The following FRMD4B variants were observed in gnomAD, a reference collection of about 807,000 sequenced individuals.
The protein encoded by FRMD4B is FERM domain containing 4B, also known as FERM domain-containing protein 4B.
A neutral mutation model predicts 141.5 loss-of-function variants in FRMD4B; 74 were observed. That is an observed-to-expected ratio of 0.52 (90% CI 0.43 to 0.63). FRMD4B has a LOEUF of 0.63. Among genes scored for constraint, FRMD4B ranks in the 30% least tolerant of loss-of-function variants. The pLI is 0.00. For synonymous variants in FRMD4B, 506 were observed against 467.9 expected, an observed-to-expected ratio of 1.08 and a Z score of -1.05; for missense variants, 1,366 against 1,253.4, an observed-to-expected ratio of 1.09 and a Z score of -1.36.
chr3:69,508,788 T>C (rs1219989849), intron 1 of FRMD4B, among the ~76,000 whole-genome samples: 1 of 152,192 alleles, frequency 6.6e-6, no homozygotes, highest in Non-Finnish European at 1.5e-5. Context: ...CCTTTCATCA[T>C]AAAGTGCCAT....
chr3:69,237,651 C>T (rs778828960), intron 7 of FRMD4B, among the ~76,000 whole-genome samples: 18 of 152,232 alleles, frequency 1.2e-4, no homozygotes, highest in Non-Finnish European at 1.9e-4. Context: ...TGCATTTCTA[C>T]ACCATCTCTG....
intron 4 of FRMD4B, among the ~76,000 whole-genome samples, chr3:69,293,969 T>A (rs988066627): frequency 2.0e-5 from 3 of 151,864 alleles, no homozygotes; most frequent in African/African-American, 7.3e-5. Context: ...AATGTCTGTT[T>A]TAACATAAAA....
chr3:69,460,425 G>A (rs1033415611), intron 1 of FRMD4B, among the ~76,000 whole-genome samples: 7 of 152,252 alleles, frequency 4.6e-5, no homozygotes, highest in East Asian at 3.9e-4. Flanking sequence ...GTCTTGTCTC[G>A]GCTTAGCAAG....
chr3:69,386,036 C>T lies in FRMD4B; in HGVS notation c.-47G>A. ...CCGGGCGTCCCGGCTCTCGTACGTG[C>T]AGCCCCGACCCCAGCGGCCTGCCCG... On this transcript the variant is annotated 5_prime_UTR_variant, in exon 1 of 23. Transcript: ENST00000398540. The T allele has an allele frequency of 1.3e-5, 19 of 1,430,828 alleles. No individual in the cohort carries two copies. Among genetic ancestry groups the T allele is most frequent in the Non-Finnish European group, 1.8e-5 (19 of 1,078,594 alleles). The allele number at this position is 1,430,828 out of a possible 1,614,324, so 88.6% of individuals were successfully genotyped here.
chr3:69,194,171 G>A (rs902951643), intron 16 of FRMD4B, among the ~76,000 whole-genome samples: 8 of 152,196 alleles, frequency 5.3e-5, no homozygotes, highest in Non-Finnish European at 1.0e-4. Flanking sequence ...CAAAGCTCAT[G>A]GATGCAGAAG....
rs547146787 is a variant in FRMD4B, at chr3:69,361,792, T to C, written c.162+24036A>G. On this transcript the variant is annotated intron_variant, in intron 1 of 22. Transcript: ENST00000398540. ...GTTCTCAGTTTGGGGGTATTAGAAG[T>C]TATAAGCTATGAATATTCTTTTACA... Among the ~76,000 whole-genome samples, 3 of 152,316 alleles carry C rather than the reference T, an allele frequency of 2.0e-5. 1 individual carries two copies. Among genetic ancestry groups the C allele is most frequent in the African/African-American group, 7.2e-5 (3 of 41,570 alleles).
chr3:69,290,486 T>C (rs1374991543), intron 4 of FRMD4B, among the ~76,000 whole-genome samples: 1 of 152,192 alleles, frequency 6.6e-6, no homozygotes, highest in Non-Finnish European at 1.5e-5. Context: ...AGATGACCCA[T>C]GTTATACAAG....
chr3:69,377,022 T>G (rs1314486808), intron 1 of FRMD4B: 1 of 152,128 alleles, frequency 6.6e-6, no homozygotes, highest in East Asian at 1.9e-4. Context: ...TTTCAAGCTG[T>G]GCAACAAAGG....
At chr3:69,259,140 G>A (rs1025749386) in intron 5 of FRMD4B, among the ~76,000 whole-genome samples, 10 of 152,198 alleles carry the variant, frequency 6.6e-5, no homozygotes, top group African/African-American at 2.2e-4. Flanking sequence ...CCCACCTGGG[G>A]GTGATGGGAG....
intron 2 of FRMD4B, among the ~76,000 whole-genome samples, chr3:69,400,691 T>G (rs1045532300): frequency 3.9e-5 from 6 of 152,228 alleles, no homozygotes; most frequent in African/African-American, 1.4e-4. Context: ...TTACTCTTAA[T>G]GACTTACCTT....
intron 5 of FRMD4B, among the ~76,000 whole-genome samples, chr3:69,283,018 T>C (rs1000831707): frequency 6.6e-6 from 1 of 152,184 alleles, no homozygotes; most frequent in East Asian, 1.9e-4. Flanking sequence ...ATAACAGTCA[T>C]AGTGCCTTAC....
intron 1 of FRMD4B, among the ~76,000 whole-genome samples, chr3:69,371,956 T>C (rs1479732301): frequency 1.3e-5 from 2 of 152,196 alleles, no homozygotes; most frequent in African/African-American, 4.8e-5. Flanking sequence ...CCACACTTAC[T>C]GCAAACTCTA....
chr3:69,184,709 T>C (rs2092746127), intron 19 of FRMD4B, among the ~76,000 whole-genome samples: 1 of 152,210 alleles, frequency 6.6e-6, no homozygotes, highest in African/African-American at 2.4e-5. Context: ...TTGTTTTCCC[T>C]AACATAAGAA....
At chr3:69,313,173 A>G (rs1346044059) in intron 2 of FRMD4B, among the ~76,000 whole-genome samples, 1 of 152,218 alleles carries the variant, frequency 6.6e-6, no homozygotes, top group East Asian at 1.9e-4. Context: ...CCAGGGTCAC[A>G]GAGCTATTAA....
intron 1 of FRMD4B, among the ~76,000 whole-genome samples, chr3:69,505,085 A>G (rs1198866723): frequency 7.1e-5 from 1 of 14,156 alleles, no homozygotes; most frequent in Non-Finnish European, 1.2e-4. Flanking sequence ...GGAAACAAAT[A>G]GTGGCCAGCA....
rs2093316137 is a variant in FRMD4B at position 69,232,600 on chromosome 3, A to C, written c.582-7910T>G. On this transcript the variant is annotated intron_variant, in intron 7 of 22. Transcript: ENST00000398540. ...AACCCCACTCATTTTTGAGAAAGCC[A>C]CATGGCTGGCAAAACTGAGGCTACT... Among the ~76,000 whole-genome samples, 3 of 152,194 alleles carry C rather than the reference A, an allele frequency of 2.0e-5. No homozygotes were observed. The South Asian group carries it at 6.2e-4, about 31-fold the overall frequency.
chr3:69,193,955 G>T, intron 16 of FRMD4B, 82 bp from the exon 17 acceptor site: 1 of 826,364 alleles, frequency 1.2e-6, no homozygotes, highest in Non-Finnish European at 1.9e-6. Context: ...AACTTCCTGT[G>T]CACTTTCTTG....
chr3:69,342,029 G>A (rs1279239237), intron 1 of FRMD4B, among the ~76,000 whole-genome samples: 2 of 152,184 alleles, frequency 1.3e-5, no homozygotes, highest in Non-Finnish European at 2.9e-5. Flanking sequence ...CTCACTTAGG[G>A]CTGTAGTTCT....
chr3:69,469,432 T>C (rs1705850974), intron 1 of FRMD4B, among the ~76,000 whole-genome samples: 1 of 152,192 alleles, frequency 6.6e-6, no homozygotes, highest in Non-Finnish European at 1.5e-5. Context: ...TAGATATAGG[T>C]AAAACTACAC....
Sources: allele counts gnomAD v4.1 joint callset (sites outside exome capture counted in the v4.1 genomes callset), GRCh38; gene constraint gnomAD v4.1.1; transcripts MANE v1.5; gene names NCBI Gene and HGNC (gene_info 2026-07-23, HGNC 2026-07-21).